The following UGT1A8 variants were observed in gnomAD, a reference collection of about 807,000 sequenced individuals.
UGT1A8 encodes UDP-glucuronosyltransferase 1A8.
In UGT1A8, 39 loss-of-function variants were observed where a neutral mutation model predicts 45.3. That is an observed-to-expected ratio of 0.86 (90% CI 0.67 to 1.12). The LOEUF is 1.12. Ranked by LOEUF, UGT1A8 falls within the 50% of genes most tolerant of loss-of-function variation. The pLI is 0.00. For missense variants in UGT1A8, 719 were observed against 664.9 expected (o/e 1.08, Z -0.90); for synonymous variants, 275 against 249.2 (o/e 1.10, Z -0.97).
intron 1 of UGT1A8, among the ~76,000 whole-genome samples, chr2:233,620,793 C>T (rs974463950): frequency 3.3e-5 from 5 of 152,098 alleles, no homozygotes; most frequent in African/African-American, 9.7e-5. Context: ...CAACTGTCAT[C>T]GAAAGAAGGA....
At chr2:233,765,715 T>C (rs1435382994) in intron 1 of UGT1A8, among the ~76,000 whole-genome samples, 2 of 140,082 alleles carry the variant, frequency 1.4e-5, no homozygotes, top group African/African-American at 6.4e-5. Flanking sequence ...TAATAATTAA[T>C]AATAATAATA....
intron 1 of UGT1A8, among the ~76,000 whole-genome samples, chr2:233,667,661 C>T (rs2074105882): frequency 6.6e-6 from 1 of 152,172 alleles, no homozygotes; most frequent in Non-Finnish European, 1.5e-5. Context: ...CCAGAATCTA[C>T]AATGAACTCA....
At position 233,705,625 on chromosome 2, in the gene UGT1A8, A is replaced by G. The variant is rs2075861511; in HGVS notation, c.856-61409A>G. ...TCTGAAGAGAGAAGAAACTGAGTTG[A>G]CAGTTCTAGGAAGTTGAAGGTCTTC... On this transcript the variant is annotated intron_variant, in intron 1 of 4. Transcript: ENST00000373450. 1.3e-5 allele frequency among the ~76,000 whole-genome samples: 2 copies of G among 152,220 alleles called. 1 individual carries two copies. The highest frequency in any genetic ancestry group is 4.8e-5 in the African/African-American group (2 of 41,448).
chr2:233,705,947 G>A (rs1241175143), intron 1 of UGT1A8, among the ~76,000 whole-genome samples: 1 of 152,128 alleles, frequency 6.6e-6, no homozygotes, highest in Non-Finnish European at 1.5e-5. Context: ...AAATTAGCTG[G>A]GTGTGGAGGT....
chr2:233,743,823 G>A, intron 1 of UGT1A8: 2 of 1,367,252 alleles, frequency 1.5e-6, no homozygotes, highest in Non-Finnish European at 2.0e-6. Flanking sequence ...TTTTTGTCGG[G>A]GTGCCACTTG....
chr2:233,737,998 C>A (rs1690658355), intron 1 of UGT1A8, among the ~76,000 whole-genome samples: 1 of 152,106 alleles, frequency 6.6e-6, no homozygotes, highest in South Asian at 2.1e-4. Context: ...GTGTCCCCCA[C>A]CAAATCTCAT....
chr2:233,689,672 G>T (rs1472377037), intron 1 of UGT1A8, among the ~76,000 whole-genome samples: 1 of 152,170 alleles, frequency 6.6e-6, no homozygotes, highest in Non-Finnish European at 1.5e-5. Flanking sequence ...CAAGAACAAA[G>T]AATGGCTGTC....
intron 1 of UGT1A8, chr2:233,713,028 G>A (rs1164174226): frequency 1.9e-6 from 3 of 1,613,750 alleles, no homozygotes; most frequent in African/African-American, 1.3e-5. Flanking sequence ...GCCGCAGCTG[G>A]CCACAGGACT....
In UGT1A8 at chr2:233,769,917, G is replaced by C. The variant is rs1699982353; in HGVS notation, c.1295+1478G>C. On this transcript the variant is annotated intron_variant, in intron 4 of 4. Transcript: ENST00000373450. The surrounding 1 kb of genome is among the most constrained non-coding windows in gnomAD (Gnocchi z 4.4). ...CTGAGCATCATGTGCCCAGAGCGTT[G>C]GGTGGTGTGGTCCCATTCCTTCCTT... 6.9e-6 allele frequency: 2 copies of C among 288,250 alleles called. No homozygotes were observed. The highest frequency in any genetic ancestry group is 1.3e-5 in the Non-Finnish European group (2 of 154,420). 17.9% of individuals were successfully genotyped at this position (288,250 alleles called of 1,614,324 possible). A position where few individuals can be genotyped will look rare whatever the true frequency, so the allele number is the denominator to read the frequency against.
intron 4 of UGT1A8, 74 bp from the exon 5 acceptor site, chr2:233,772,188 C>A (rs1559419594): frequency 1.1e-5 from 17 of 1,595,306 alleles, no homozygotes; most frequent in Middle Eastern, 2.0e-4. Context: ...TCTTCTTAAG[C>A]AGCCATGAGC....
intron 1 of UGT1A8, chr2:233,743,760 A>T: frequency 7.3e-7 from 1 of 1,367,362 alleles, no homozygotes; most frequent in South Asian, 1.1e-5. Flanking sequence ...AACACCTCGT[A>T]GGCCTCGGCC....
chr2:233,628,501 T>G (rs2073132094), intron 1 of UGT1A8, among the ~76,000 whole-genome samples: 1 of 152,164 alleles, frequency 6.6e-6, no homozygotes, highest in Non-Finnish European at 1.5e-5. Flanking sequence ...GTATTTGTTC[T>G]AGGAGATTTT....
chr2:233,747,555 G>A, intron 1 of UGT1A8: 1 of 1,599,236 alleles, frequency 6.3e-7, no homozygotes, highest in Non-Finnish European at 8.6e-7. Flanking sequence ...TAAAAGTATG[G>A]CAATTTTGAA....
At chr2:233,626,773 A>G (rs1467837314) in intron 1 of UGT1A8, among the ~76,000 whole-genome samples, 1 of 152,036 alleles carries the variant, frequency 6.6e-6, no homozygotes, top group Non-Finnish European at 1.5e-5. Context: ...ACTGAATTAG[A>G]GATGTTGGGT....
chr2:233,721,861 C>G, intron 1 of UGT1A8: 1 of 507,540 alleles, frequency 2.0e-6, no homozygotes, highest in South Asian at 1.4e-5. Context: ...CTGCTCGGCC[C>G]TGGGCACACT....
chr2:233,766,948 G>A, intron 1 of UGT1A8, 86 bp from the exon 2 acceptor site: 1 of 1,599,792 alleles, frequency 6.3e-7, no homozygotes, highest in Non-Finnish European at 8.5e-7. Context: ...AGTCTTAAGA[G>A]GAAGATATCT....
chr2:233,683,408 C>T (rs1303607850), intron 1 of UGT1A8, among the ~76,000 whole-genome samples: 8 of 152,094 alleles, frequency 5.3e-5, no homozygotes, highest in Admixed American at 5.2e-4. Context: ...TAAGTGTTTT[C>T]CACTTTTGGG....
chr2:233,707,853 G>A (rs2075991283), intron 1 of UGT1A8, among the ~76,000 whole-genome samples: 1 of 152,142 alleles, frequency 6.6e-6, no homozygotes, highest in Non-Finnish European at 1.5e-5. Context: ...ATTTTTCAGA[G>A]TGGTTGTACA....
intron 1 of UGT1A8, among the ~76,000 whole-genome samples, chr2:233,738,370 A>G (rs1385050475): frequency 1.3e-5 from 2 of 152,228 alleles, no homozygotes; most frequent in African/African-American, 4.8e-5. Flanking sequence ...CTGCTATAAA[A>G]CTACTTGAAA....
Sources: allele counts gnomAD v4.1 joint callset (sites outside exome capture counted in the v4.1 genomes callset), GRCh38; gene constraint gnomAD v4.1.1; non-coding constraint Gnocchi (gnomAD v3.1); transcripts MANE v1.5; gene names NCBI Gene and HGNC (gene_info 2026-07-23, HGNC 2026-07-21).